The following SRPK2 variants were observed in gnomAD, a reference collection of about 807,000 sequenced individuals.
SRPK2 encodes the protein SRSF protein kinase 2.
Under a neutral mutation model 90.8 loss-of-function variants are expected in SRPK2, and 21 were observed. The ratio of observed to expected loss-of-function variants is 0.23; its 90% CI spans 0.16 to 0.33. SRPK2 has a LOEUF of 0.33. Among genes scored for constraint, SRPK2 ranks in the 10% least tolerant of loss-of-function variants. The pLI, the probability that SRPK2 is intolerant of heterozygous loss-of-function variation, is 1.00. For missense variants in SRPK2, 620 were observed against 869.0 expected, an observed-to-expected ratio of 0.71 and a Z score of 3.60; for synonymous variants, 288 against 311.1, an observed-to-expected ratio of 0.93 and a Z score of 0.78.
At chr7:105,245,360 C>T (rs1801499254) in intron 2 of SRPK2, among the ~76,000 whole-genome samples, 1 of 152,064 alleles carries the variant, frequency 6.6e-6, no homozygotes, top group Non-Finnish European at 1.5e-5. Flanking sequence ...GGGAAGTACA[C>T]ATTATGAAGA....
At chr7:105,270,177 C>T (rs147785862) in intron 2 of SRPK2, among the ~76,000 whole-genome samples, 15 of 152,234 alleles carry the variant, frequency 9.9e-5, no homozygotes, top group African/African-American at 2.9e-4. Context: ...ATTATAAAAG[C>T]GGCATGAATA....
chr7:105,176,747 ATATGTG>A lies in SRPK2; in HGVS notation c.230-7488_230-7483del, dbSNP rs796224013. 8.2e-3 allele frequency among the ~76,000 whole-genome samples: 376 copies of A among 46,018 alleles called. 9 individuals are homozygous for A. In the East Asian group the frequency reaches 0.15, roughly 18 times the overall value. 30.2% of individuals were successfully genotyped at this position (46,018 alleles called of 152,430 possible). A position where few individuals can be genotyped will look rare whatever the true frequency, so the allele number is the denominator to read the frequency against. ...TGTGTATGTATGTATGTATGTGTGTATATGTGTGTGTGTGTGTGTGTGTGTGTATAT... is the reference window on the plus strand; with the variant it reads ...TGTGTATGTATGTATGTATGTGTGTATGTGTGTGTGTGTGTGTGTGTATAT... On this transcript the variant is annotated intron_variant, in intron 3 of 15. Coordinates refer to ENST00000393651, the MANE Select transcript of SRPK2 (RefSeq NM_182692.3).
At chr7:105,264,028 A>T (rs928875208) in intron 2 of SRPK2, among the ~76,000 whole-genome samples, 1 of 152,180 alleles carries the variant, frequency 6.6e-6, no homozygotes, top group African/African-American at 2.4e-5. Context: ...TAGTCTTTGC[A>T]TTGCAACGGG....
At chr7:105,155,547 C>T (rs1327040508) in intron 7 of SRPK2, among the ~76,000 whole-genome samples, 3 of 152,180 alleles carry the variant, frequency 2.0e-5, no homozygotes, top group Admixed American at 1.3e-4. Context: ...ACAGCTGATA[C>T]TGGCTCTGAG....
At chr7:105,331,337 A>AAAAAAAAAAAAAAAAAG (rs1554512429) in intron 2 of SRPK2, among the ~76,000 whole-genome samples, 2 of 141,830 alleles carry the variant, frequency 1.4e-5, no homozygotes, top group Admixed American at 7.0e-5. Context: ...AAAAAAAAAA[A>AAAAAAAAAAAAAAAAAG]CAAATAGTTA....
At chr7:105,220,404 G>A (rs545698532) in intron 2 of SRPK2, among the ~76,000 whole-genome samples, 1 of 152,162 alleles carries the variant, frequency 6.6e-6, no homozygotes, top group Non-Finnish European at 1.5e-5. Context: ...GCGCACACCT[G>A]TATCCCAGTT....
chr7:105,365,340 G>A (rs1361938919), intron 2 of SRPK2, among the ~76,000 whole-genome samples: 2 of 151,774 alleles, frequency 1.3e-5, no homozygotes, highest in African/African-American at 2.4e-5. Flanking sequence ...CAAAAAATTA[G>A]CCAGGTGTGG....
At chr7:105,228,055 T>C (rs984739960) in intron 2 of SRPK2, among the ~76,000 whole-genome samples, 16 of 152,216 alleles carry the variant, frequency 1.1e-4, no homozygotes, top group African/African-American at 3.9e-4. Flanking sequence ...AATTTCTTTT[T>C]TTCTGAGACG....
chr7:105,389,306 T>G, upstream of SRPK2: 1 of 1,280,192 alleles, frequency 7.8e-7, no homozygotes, highest in Non-Finnish European at 1.0e-6. Context: ...TCCGCGGGTC[T>G]CGCACCACCT....
upstream of SRPK2, among the ~76,000 whole-genome samples, chr7:105,392,278 G>C (rs1822200577): frequency 6.6e-6 from 1 of 152,118 alleles, no homozygotes; most frequent in Non-Finnish European, 1.5e-5. Flanking sequence ...AGATAGAGGT[G>C]GTGGTGGCAC....
chr7:105,286,566 G>C (rs767568158), intron 2 of SRPK2, among the ~76,000 whole-genome samples: 2 of 152,122 alleles, frequency 1.3e-5, no homozygotes, highest in African/African-American at 2.4e-5. Flanking sequence ...CATGCTAAAG[G>C]ACAGCTGTAC....
chr7:105,238,433 C>A (rs1481054200), intron 2 of SRPK2, among the ~76,000 whole-genome samples: 1 of 152,184 alleles, frequency 6.6e-6, no homozygotes, highest in East Asian at 1.9e-4. Context: ...TTGTAACATG[C>A]CCACTGGTGG....
intron 3 of SRPK2, among the ~76,000 whole-genome samples, chr7:105,184,823 C>A (rs941256564): frequency 3.9e-5 from 6 of 152,182 alleles, no homozygotes; most frequent in African/African-American, 1.4e-4. Context: ...CCTAATAAGT[C>A]ATGTGGTCTT....
chr7:105,388,264 G>A (rs1821872569), intron 2 of SRPK2, among the ~76,000 whole-genome samples: 1 of 151,774 alleles, frequency 6.6e-6, no homozygotes, highest in African/African-American at 2.4e-5. Context: ...GCAGCGGGCG[G>A]GCCGGAGCCC....
chr7:105,291,812 CA>C (rs1215272061), intron 2 of SRPK2, among the ~76,000 whole-genome samples: 1 of 152,008 alleles, frequency 6.6e-6, no homozygotes, highest in East Asian at 1.9e-4. Context: ...GAAAAATTAA[CA>C]GCATGAATAT....
intron 6 of SRPK2, among the ~76,000 whole-genome samples, chr7:105,166,855 G>T (rs1309166184): frequency 2.0e-5 from 3 of 152,168 alleles, no homozygotes; most frequent in Non-Finnish European, 4.4e-5. Flanking sequence ...AGGCTCAGTT[G>T]TATCATTTTG....
chr7:105,187,335 C>T (rs1390663493), intron 3 of SRPK2, among the ~76,000 whole-genome samples: 2 of 152,180 alleles, frequency 1.3e-5, no homozygotes, highest in African/African-American at 4.8e-5. Flanking sequence ...GAAATATGCC[C>T]AGATATGTCA....
intron 2 of SRPK2, among the ~76,000 whole-genome samples, chr7:105,286,483 A>C (rs1271774668): frequency 6.6e-6 from 1 of 152,178 alleles, no homozygotes; most frequent in Non-Finnish European, 1.5e-5. Context: ...AACTACATTT[A>C]AGTTAAGCGC....
intron 2 of SRPK2, among the ~76,000 whole-genome samples, chr7:105,308,078 C>T (rs186299402): frequency 7.2e-5 from 11 of 152,098 alleles, no homozygotes; most frequent in Non-Finnish European, 1.5e-4. Context: ...GTTATGGGTT[C>T]GTCACCCAAA....
Sources: gnomAD v4.1 joint callset for allele counts (sites outside exome capture counted in the v4.1 genomes callset) on GRCh38, gnomAD v4.1.1 for gene constraint, MANE v1.5 for transcripts, NCBI Gene and HGNC (gene_info 2026-07-23, HGNC 2026-07-21) for gene names.